UBN2: variants seen among roughly 807,000 people sequenced by gnomAD.
UBN2 encodes ubinuclein-2.
UBN2 carries 35 observed loss-of-function variants against 120.2 expected under a neutral mutation model. The ratio of observed to expected loss-of-function variants is 0.29; its 90% confidence interval spans 0.22 to 0.39. The LOEUF (loss-of-function observed/expected upper bound fraction) is 0.39, where lower values mean the gene tolerates loss of function less well. Among genes scored for constraint, UBN2 ranks in the 10% least tolerant of loss-of-function variants. UBN2 has a pLI of 1.00. For synonymous variants in UBN2, 661 were observed against 648.7 expected (o/e 1.02, Z -0.29); for missense variants, 1,693 against 1,663.2 (o/e 1.02, Z -0.31).
chr7:139,281,902 G>A (rs1400063718), intron 13 of UBN2, 103 bp from the exon 14 acceptor site: 4 of 1,039,048 alleles, frequency 3.8e-6, no homozygotes, highest in African/African-American at 1.6e-5. Context: ...CCAATTGGTA[G>A]TGAGGTTTTT....
At chr7:139,245,819 G>A (rs1796454669) in intron 2 of UBN2, among the ~76,000 whole-genome samples, 1 of 152,202 alleles carries the variant, frequency 6.6e-6, no homozygotes, top group African/African-American at 2.4e-5. Flanking sequence ...TGGGGAGAAA[G>A]CACAAGGAAC....
At chr7:139,326,610 C>T in the UBN2 span, among the ~76,000 whole-genome samples, 2 of 152,226 alleles carry the variant, frequency 1.3e-5, no homozygotes, top group African/African-American at 4.8e-5. Context: ...TAACTCATAG[C>T]AGGTGTGCAT....
At chr7:139,277,630 T>G (rs190077642) in intron 12 of UBN2, 1 of 152,346 alleles carries the variant, frequency 6.6e-6, no homozygotes, top group East Asian at 1.9e-4. Flanking sequence ...GTATAAATTC[T>G]AAGTTGTTTG....
At chr7:139,288,221 A>T (rs1057086759) in intron 15 of UBN2, among the ~76,000 whole-genome samples, 1 of 152,212 alleles carries the variant, frequency 6.6e-6, no homozygotes. Flanking sequence ...GTAGGAAGAC[A>T]AGGAAAAATA....
chr7:139,240,455 T>TATATATATATATATA (rs367875599), intron 2 of UBN2, among the ~76,000 whole-genome samples: 4 of 63,100 alleles, frequency 6.3e-5, no homozygotes, highest in African/African-American at 1.7e-4. Context: ...TATATATATA[T>TATATATATATATATA]TTTTTTTTTT....
chr7:139,285,787 C>T (rs1797769030), intron 15 of UBN2, among the ~76,000 whole-genome samples: 1 of 151,964 alleles, frequency 6.6e-6, no homozygotes, highest in East Asian at 1.9e-4. Flanking sequence ...CTGTCGTCCA[C>T]GCTGGAGGGC....
At chr7:139,257,823 C>G (rs191970489) in intron 3 of UBN2, among the ~76,000 whole-genome samples, 3 of 151,892 alleles carry the variant, frequency 2.0e-5, no homozygotes, top group Non-Finnish European at 4.4e-5. Flanking sequence ...TTTTTTAGAC[C>G]GAGTTTCACT....
At chr7:139,296,611 C>T (rs1040862629) in intron 17 of UBN2, among the ~76,000 whole-genome samples, 1 of 152,162 alleles carries the variant, frequency 6.6e-6, no homozygotes, top group Non-Finnish European at 1.5e-5. Flanking sequence ...TGGGCCTTAC[C>T]CTTGCCCTGG....
intron 2 of UBN2, among the ~76,000 whole-genome samples, chr7:139,242,631 A>AT (rs1349978467): frequency 6.6e-6 from 1 of 152,214 alleles, no homozygotes; most frequent in African/African-American, 2.4e-5. Flanking sequence ...GCAGTTACCC[A>AT]TTCTGATCAC....
intron 6 of UBN2, 99 bp downstream of exon 6, chr7:139,261,840 T>C (rs1796945379): frequency 2.4e-6 from 3 of 1,248,018 alleles, no homozygotes; most frequent in Non-Finnish European, 3.2e-6. Flanking sequence ...ACTGGTATAA[T>C]TGCTTTTGTT....
chr7:139,272,519 T>TATGTATGTATGA lies in UBN2; in HGVS notation c.1715+90_1715+91insAATGTATGTATG, dbSNP rs1174802940. ...TTATGTATGTATGTATGTATGTATGTATGTATGTATGTATGTATGTATTTT... is the reference window on the plus strand; with the variant it reads ...TTATGTATGTATGTATGTATGTATGTATGTATGTATGAATGTATGTATGTATGTATGTATTTT... On this transcript the variant is annotated intron_variant, in intron 9 of 17. Transcript: ENST00000473989. The TATGTATGTATGA allele has an allele frequency of 1.8e-4, 146 of 821,064 alleles. 2 individuals are homozygous for TATGTATGTATGA. In the East Asian group the frequency reaches 3.8e-3, roughly 21 times the overall value. The allele number at this position is 821,064 out of a possible 1,614,324, so 50.9% of individuals were successfully genotyped here.
At chr7:139,324,965 A>AT in the UBN2 span, among the ~76,000 whole-genome samples, 11 of 151,980 alleles carry the variant, frequency 7.2e-5, no homozygotes, top group Non-Finnish European at 1.2e-4. Flanking sequence ...GCAAGACTCC[A>AT]TCTCAAAAAA....
chr7:139,266,506 C>CAAAGGTT, intron 7 of UBN2, 103 bp downstream of exon 7: 2 of 627,616 alleles, frequency 3.2e-6, no homozygotes, highest in Admixed American at 2.9e-5. Flanking sequence ...GGCATGAGTT[C>CAAAGGTT]TTCCCCTTAA....
At chr7:139,297,755 A>G (rs755293496) in intron 17 of UBN2, 32 bp from the exon 18 acceptor site, 1 of 1,609,936 alleles carries the variant, frequency 6.2e-7, no homozygotes, top group South Asian at 1.1e-5. Context: ...TAACATATGG[A>G]CCCATACCAA....
chr7:139,255,459 G>T (rs963386391), intron 3 of UBN2, among the ~76,000 whole-genome samples: 3 of 152,130 alleles, frequency 2.0e-5, no homozygotes, highest in African/African-American at 7.2e-5. Flanking sequence ...AAGAAAAGTG[G>T]AAAACTTCTG....
chr7:139,315,252 G>C, the UBN2 span: 1 of 152,204 alleles, frequency 6.6e-6, no homozygotes, highest in Non-Finnish European at 1.5e-5. Context: ...TGGGATTACA[G>C]GCGTGAGCCA....
At chr7:139,276,177 A>G (rs747265101) in intron 12 of UBN2, 30 bp downstream of exon 12, 6 of 1,598,202 alleles carry the variant, frequency 3.8e-6, no homozygotes, top group South Asian at 1.1e-5. Context: ...AGATTGCTTC[A>G]TTTATTCACA....
chr7:139,322,024 AGT>A, the UBN2 span, among the ~76,000 whole-genome samples: 4 of 151,952 alleles, frequency 2.6e-5, no homozygotes, highest in African/African-American at 9.7e-5. Context: ...CCCAGGCTGG[AGT>A]GCAGTGGCAC....
At chr7:139,289,896 AT>A (rs1003662367) in intron 15 of UBN2, among the ~76,000 whole-genome samples, 96 of 141,862 alleles carry the variant, frequency 6.8e-4, no homozygotes, top group African/African-American at 9.5e-4. Context: ...CTCTGGTTAA[AT>A]TTTTTTTTTT....
Sources: allele counts gnomAD v4.1 joint callset (sites outside exome capture counted in the v4.1 genomes callset), GRCh38; gene constraint gnomAD v4.1.1; transcripts MANE v1.5; gene names NCBI Gene and HGNC (gene_info 2026-07-23, HGNC 2026-07-21).